The following KCNMA1 variants were observed in gnomAD, a reference collection of about 807,000 sequenced individuals.
The protein encoded by KCNMA1 is potassium calcium-activated channel subfamily M alpha 1.
A neutral mutation model predicts 140.0 loss-of-function variants in KCNMA1; 29 were observed. That is an observed-to-expected ratio of 0.21 (90% CI 0.15 to 0.28). The LOEUF is 0.28. KCNMA1 is among the 10% of genes least tolerant of loss of function. The pLI, the probability that KCNMA1 is intolerant of heterozygous loss-of-function variation, is 1.00. For missense variants in KCNMA1, 880 were observed against 1,602.2 expected, an observed-to-expected ratio of 0.55 and a Z score of 7.70; for synonymous variants, 612 against 611.9, an observed-to-expected ratio of 1.00 and a Z score of 0.00.
At chr10:77,184,244 G>C (rs1363298765) in intron 4 of KCNMA1, among the ~76,000 whole-genome samples, 7 of 152,088 alleles carry the variant, frequency 4.6e-5, no homozygotes, top group African/African-American at 1.7e-4. Context: ...TTTTGAGATG[G>C]AGTCTTACTC....
intron 25 of KCNMA1, chr10:76,903,379 T>C (rs2046393214): frequency 6.6e-6 from 1 of 152,276 alleles, no homozygotes. Context: ...TTCCATGTCA[T>C]AGCTGCCATT....
intron 1 of KCNMA1, among the ~76,000 whole-genome samples, chr10:77,613,411 C>G (rs971104129): frequency 1.3e-5 from 2 of 152,162 alleles, no homozygotes; most frequent in African/African-American, 4.8e-5. Flanking sequence ...GCTTATCTGG[C>G]CCAAAAGCAA....
intron 2 of KCNMA1, among the ~76,000 whole-genome samples, chr10:77,387,607 C>CTTTTTTTTCTTTTCTCTTTTCT (rs1555271431): frequency 2.6e-5 from 3 of 114,260 alleles, no homozygotes; most frequent in Admixed American, 9.0e-5. Context: ...CTTTTCTTTT[C>CTTTTTTTTCTTTTCTCTTTTCT]TTTCTTTTCT....
At chr10:76,970,517 T>C (rs2075777322) in intron 19 of KCNMA1, 3 of 232,056 alleles carry the variant, frequency 1.3e-5, no homozygotes, top group Non-Finnish European at 2.6e-5. Context: ...CTTCTCCAGA[T>C]GAACCAACTT....
At chr10:76,877,388 A>C (rs1230339410), downstream of KCNMA1, 1 of 157,024 alleles carries the variant, frequency 6.4e-6, no homozygotes, top group African/African-American at 2.4e-5. Context: ...CACATTAAGG[A>C]GTCTGACCAC....
intron 2 of KCNMA1, among the ~76,000 whole-genome samples, chr10:77,344,676 C>G (rs916785390): frequency 8.6e-5 from 13 of 152,008 alleles, no homozygotes; most frequent in African/African-American, 3.1e-4. Context: ...TCCCTCTTCA[C>G]TAGTCCTCTC....
intron 1 of KCNMA1, among the ~76,000 whole-genome samples, chr10:77,504,420 C>T (rs927376907): frequency 1.3e-5 from 2 of 152,038 alleles, no homozygotes; most frequent in Non-Finnish European, 1.5e-5. Flanking sequence ...ACCGAGCAAC[C>T]GAGAGGGGTG....
intron 1 of KCNMA1, among the ~76,000 whole-genome samples, chr10:77,410,446 G>A (rs1468156851): frequency 6.6e-6 from 1 of 152,228 alleles, no homozygotes; most frequent in African/African-American, 2.4e-5. Flanking sequence ...CTAGAGCCAA[G>A]CCTTGAAGCT....
intron 2 of KCNMA1, among the ~76,000 whole-genome samples, chr10:77,260,010 A>G (rs1262554848): frequency 6.6e-6 from 1 of 152,194 alleles, no homozygotes; most frequent in Non-Finnish European, 1.5e-5. Context: ...AGCAAAAGAG[A>G]GGTGGGAGAA....
intron 14 of KCNMA1, among the ~76,000 whole-genome samples, chr10:77,049,845 C>T (rs2095289702): frequency 6.6e-6 from 1 of 152,086 alleles, no homozygotes; most frequent in Non-Finnish European, 1.5e-5. Flanking sequence ...TTACACTTCC[C>T]AAAAAACTTC....
At chr10:76,895,151 C>T (rs537222254) in intron 25 of KCNMA1, among the ~76,000 whole-genome samples, 7 of 152,286 alleles carry the variant, frequency 4.6e-5, no homozygotes, top group South Asian at 2.1e-4. Flanking sequence ...CCCCTAGTCA[C>T]GTACCCCCTG....
At chr10:77,511,759 T>A (rs1179148594) in intron 1 of KCNMA1, among the ~76,000 whole-genome samples, 2 of 152,214 alleles carry the variant, frequency 1.3e-5, no homozygotes, top group African/African-American at 4.8e-5. Context: ...TATACAGTCG[T>A]CCCTGTCATG....
chr10:76,896,685 A>G (rs2042643268), intron 25 of KCNMA1, among the ~76,000 whole-genome samples: 1 of 152,198 alleles, frequency 6.6e-6, no homozygotes, highest in African/African-American at 2.4e-5. Context: ...TAAAATATCC[A>G]GAAAAGGCAT....
At chr10:77,633,173 G>A (rs1053893669) in intron 1 of KCNMA1, among the ~76,000 whole-genome samples, 2 of 152,198 alleles carry the variant, frequency 1.3e-5, no homozygotes, top group African/African-American at 4.8e-5. Flanking sequence ...AAATTAGCCA[G>A]GTGTGGCAGC....
At chr10:77,320,785 T>C (rs2082128986) in intron 2 of KCNMA1, among the ~76,000 whole-genome samples, 1 of 152,194 alleles carries the variant, frequency 6.6e-6, no homozygotes, top group Non-Finnish European at 1.5e-5. Flanking sequence ...AATCCTGTGT[T>C]GAATGTTAAA....
chr10:77,076,311 T>C (rs894372588), intron 13 of KCNMA1, among the ~76,000 whole-genome samples: 4 of 152,182 alleles, frequency 2.6e-5, no homozygotes, highest in Non-Finnish European at 4.4e-5. Flanking sequence ...TCAGGAGTGA[T>C]ACTTTTCCAA....
At chr10:77,273,349 A>T (rs1319228284) in intron 2 of KCNMA1, among the ~76,000 whole-genome samples, 3 of 152,208 alleles carry the variant, frequency 2.0e-5, no homozygotes, top group Non-Finnish European at 4.4e-5. Context: ...CAAACCAATC[A>T]TTTGAAGGGA....
intron 1 of KCNMA1, among the ~76,000 whole-genome samples, chr10:77,555,884 G>C (rs1453833848): frequency 6.6e-6 from 1 of 152,186 alleles, no homozygotes; most frequent in African/African-American, 2.4e-5. Flanking sequence ...GAATTAACTA[G>C]GTAAACCCTG....
intron 3 of KCNMA1, among the ~76,000 whole-genome samples, chr10:77,218,905 T>G (rs902981232): frequency 6.6e-5 from 10 of 152,154 alleles, no homozygotes; most frequent in African/African-American, 2.2e-4. Context: ...CAGGCTGATC[T>G]CAAACTGTTG....
Sources: allele counts gnomAD v4.1 joint callset (sites outside exome capture counted in the v4.1 genomes callset), GRCh38; gene constraint gnomAD v4.1.1; transcripts MANE v1.5; gene names NCBI Gene and HGNC (gene_info 2026-07-23, HGNC 2026-07-21).